MYRFL: variants seen among roughly 807,000 people sequenced by gnomAD.
MYRFL encodes the protein myelin regulatory factor-like protein.
A neutral mutation model predicts 109.4 loss-of-function variants in MYRFL; 88 were observed. The ratio of observed to expected loss-of-function variants is 0.80; its 90% CI spans 0.68 to 0.96. MYRFL has a LOEUF of 0.96. Ranked by LOEUF, MYRFL falls within the 40% of genes least tolerant of loss-of-function variation. The pLI, the probability that MYRFL is intolerant of heterozygous loss-of-function variation, is 0.00. For synonymous variants in MYRFL, 324 were observed against 320.9 expected (o/e 1.01, Z -0.10); for missense variants, 957 against 954.9 (o/e 1.00, Z -0.03).
At chr12:69,847,608 G>A (rs773255403) in intron 1 of MYRFL, among the ~76,000 whole-genome samples, 7 of 151,868 alleles carry the variant, frequency 4.6e-5, no homozygotes, top group Non-Finnish European at 8.8e-5. Context: ...TTCCTCATTA[G>A]CTGGCTCTGG....
Position 69,936,179 on chromosome 12 carries a change from C to G in MYRFL, c.1983C>G (p.Leu661=). 1 of 1,500,272 alleles carries G rather than the reference C, an allele frequency of 6.7e-7. No individual in the cohort carries two copies. Among genetic ancestry groups the G allele is most frequent in the Non-Finnish European group, 8.9e-7 (1 of 1,127,190 alleles). The allele number at this position is 1,500,272 out of a possible 1,614,324, so 92.9% of individuals were successfully genotyped here. A position where few individuals can be genotyped will look rare whatever the true frequency, so the allele number is the denominator to read the frequency against. Residue 661 remains leucine, a synonymous_variant, in exon 17 of 25, where the codon CTC becomes CTG. Coordinates refer to ENST00000552032, the MANE Select transcript of MYRFL (RefSeq NM_182530.3). The part of the protein sequence containing the change: ...LKDQDRRVPN[L]PPSNITSSQE... ...ATCAAGACCGACGTGTCCCAAATCT[C>G]CCTCCAAGGTGAGAGTTCAGTTCAA...
chr12:69,853,159 C>T (rs149218315), intron 1 of MYRFL, among the ~76,000 whole-genome samples: 5,553 of 150,710 alleles, frequency 0.037, 135 homozygotes, highest in East Asian at 0.11. Flanking sequence ...CCAGACGGGG[C>T]GGCTAGGCAG....
At chr12:69,921,180 C>T (rs1185581375) in intron 13 of MYRFL, among the ~76,000 whole-genome samples, 4 of 152,132 alleles carry the variant, frequency 2.6e-5, no homozygotes, top group Non-Finnish European at 5.9e-5. Context: ...CAAAATGCCC[C>T]TCAGCCCTAA....
At chr12:69,854,346 G>GGAGGGGGAGGGA (rs1555240896) in intron 1 of MYRFL, among the ~76,000 whole-genome samples, 51 of 141,762 alleles carry the variant, frequency 3.6e-4, no homozygotes, top group African/African-American at 1.0e-3. Context: ...AGGGGGAGGG[G>GGAGGGGGAGGGA]GAGGGAGAGG....
chr12:69,899,611 T>C (rs1954118198), intron 10 of MYRFL, among the ~76,000 whole-genome samples: 1 of 152,236 alleles, frequency 6.6e-6, no homozygotes, highest in Non-Finnish European at 1.5e-5. Flanking sequence ...ACTTGTTCTG[T>C]GGCCTAAGAA....
At chr12:69,922,045 G>T (rs945693392) in intron 13 of MYRFL, among the ~76,000 whole-genome samples, 1 of 152,132 alleles carries the variant, frequency 6.6e-6, no homozygotes, top group East Asian at 1.9e-4. Flanking sequence ...TAGTGTCAGT[G>T]AGGATGGAGA....
rs900292482 is a variant in MYRFL, at chr12:69,910,926, A to T, written c.1598A>T (p.Asp533Val). The T allele has an allele frequency of 1.3e-6, 2 of 1,532,076 alleles. No individual in the cohort carries two copies. The highest frequency in any genetic ancestry group is 1.7e-6 in the Non-Finnish European group (2 of 1,143,598). The allele number at this position is 1,532,076 out of a possible 1,614,324, so 94.9% of individuals were successfully genotyped here. A position where few individuals can be genotyped will look rare whatever the true frequency, so the allele number is the denominator to read the frequency against. Residue 533 changes from aspartate (D) to valine (V), a missense_variant, in exon 13 of 25, where the codon GAT becomes GTT. Transcript: ENST00000552032. Reference sequence around the variant, plus strand: ...ACCTTGGAGAACTTCCTCATGGTGGATAAGGTAATCACTGAAAAGATATCA... The same window carrying T: ...ACCTTGGAGAACTTCCTCATGGTGGTTAAGGTAATCACTGAAAAGATATCA... ...GETLENFLMV[D>V]KDQIFMENVG... is the part of the protein sequence containing the mutation.
intron 2 of MYRFL, among the ~76,000 whole-genome samples, chr12:69,876,573 T>A (rs1415730415): frequency 6.6e-6 from 1 of 152,214 alleles, no homozygotes; most frequent in Non-Finnish European, 1.5e-5. Context: ...TCAAAATGTC[T>A]GGTCCTTTAT....
intron 13 of MYRFL, among the ~76,000 whole-genome samples, chr12:69,918,186 C>T (rs901178437): frequency 1.3e-5 from 2 of 152,162 alleles, no homozygotes; most frequent in Non-Finnish European, 2.9e-5. Context: ...GGGCTGGGCA[C>T]TTGGGCTTGG....
chr12:69,950,787 C>T (rs562284980), intron 19 of MYRFL, among the ~76,000 whole-genome samples: 30 of 152,100 alleles, frequency 2.0e-4, no homozygotes, highest in African/African-American at 7.2e-4. Context: ...TTTACATTAG[C>T]GTGTGTGATT....
chr12:69,950,323 A>G (rs1955944539), intron 19 of MYRFL, among the ~76,000 whole-genome samples: 1 of 152,128 alleles, frequency 6.6e-6, no homozygotes. Flanking sequence ...GGGTTGAAAA[A>G]TCAATAGGGA....
Position 69,957,919 on chromosome 12 carries a change from G to T in MYRFL, c.2548G>T (p.Glu850Ter), listed in dbSNP as rs1956130632. The change falls in exon 23 of 25, where the codon GAA (glutamate) becomes TAA (stop). Residue 850 changes from glutamate (E) to a stop codon, truncating the protein, a stop_gained. Transcript: ENST00000552032. LOFTEE classifies it high-confidence loss of function. ...RGTKGLESHR[E>*]ISQEMTQGYQ... is the part of the protein sequence containing the mutation. ...AACCAAAGGGCTGGAAAGCCACAGA[G>T]AAATCTCCCAGGAGATGACACAGGT... 6.5e-7 allele frequency: 1 copy of T among 1,534,628 alleles called. No homozygotes were observed. The highest frequency in any genetic ancestry group is 8.7e-7 in the Non-Finnish European group (1 of 1,145,832).
chr12:69,847,929 G>A (rs986404976), intron 1 of MYRFL, among the ~76,000 whole-genome samples: 5 of 151,974 alleles, frequency 3.3e-5, no homozygotes, highest in African/African-American at 1.2e-4. Flanking sequence ...TTCTTATTAT[G>A]GTTTAAGAGT....
intron 1 of MYRFL, among the ~76,000 whole-genome samples, chr12:69,848,367 AGGAG>A (rs1883681754): frequency 1.3e-5 from 2 of 151,996 alleles, no homozygotes; most frequent in African/African-American, 2.4e-5. Context: ...AAATTAATTT[AGGAG>A]TATTTACATC....
At chr12:69,916,332 C>T (rs955016426) in intron 13 of MYRFL, among the ~76,000 whole-genome samples, 5 of 151,922 alleles carry the variant, frequency 3.3e-5, no homozygotes, top group South Asian at 2.1e-4. Flanking sequence ...CAGAGGTTCA[C>T]GGGTGGAAAA....
chr12:69,851,481 G>A (rs1026135201), intron 1 of MYRFL, among the ~76,000 whole-genome samples: 1 of 152,142 alleles, frequency 6.6e-6, no homozygotes, highest in African/African-American at 2.4e-5. Flanking sequence ...AAAATTTGAT[G>A]AGAAACAGTA....
chr12:69,910,637 A>C (rs1469435946), intron 12 of MYRFL, among the ~76,000 whole-genome samples, 184 bp from the exon 13 acceptor site: 1 of 102,046 alleles, frequency 9.8e-6, no homozygotes, highest in Non-Finnish European at 1.9e-5. Context: ...GAGTCTCAAA[A>C]AAAAAAAAAA....
At chr12:69,881,469 A>G (rs1886101998) in intron 5 of MYRFL, among the ~76,000 whole-genome samples, 1 of 152,148 alleles carries the variant, frequency 6.6e-6, no homozygotes, top group African/African-American at 2.4e-5. Context: ...GCGTGGCTTC[A>G]CCTGAGTGGG....
intron 1 of MYRFL, among the ~76,000 whole-genome samples, chr12:69,833,736 C>T (rs1882771448): frequency 6.6e-6 from 1 of 151,378 alleles, no homozygotes; most frequent in African/African-American, 2.4e-5. Context: ...TCCCTATCCA[C>T]TGTGCACATT....
Sources: allele counts gnomAD v4.1 joint callset (sites outside exome capture counted in the v4.1 genomes callset), GRCh38; gene constraint gnomAD v4.1.1; transcripts MANE v1.5; gene names NCBI Gene and HGNC (gene_info 2026-07-23, HGNC 2026-07-21).